GUCA1C: variants seen among roughly 807,000 people sequenced by gnomAD.
GUCA1C encodes the protein guanylyl cyclase-activating protein 3.
A neutral mutation model predicts 16.2 loss-of-function variants in GUCA1C; 15 were observed. The ratio of observed to expected loss-of-function variants is 0.93; its 90% CI spans 0.62 to 1.43. The LOEUF (loss-of-function observed/expected upper bound fraction) is 1.43. Ranked by LOEUF, GUCA1C falls within the 40% of genes most tolerant of loss-of-function variation. The pLI is 0.00. For synonymous variants in GUCA1C, 78 were observed against 85.4 expected (o/e 0.91, Z 0.48); for missense variants, 275 against 244.8 (o/e 1.12, Z -0.82).
intron 2 of GUCA1C, among the ~76,000 whole-genome samples, chr3:108,918,695 C>T (rs1244192781): frequency 1.3e-5 from 2 of 152,178 alleles, no homozygotes; most frequent in Admixed American, 1.3e-4. Context: ...TACTTCCTTG[C>T]AATCTCTTAA....
At chr3:108,954,978 C>T (rs139655908), upstream of GUCA1C, among the ~76,000 whole-genome samples, 456 of 152,078 alleles carry the variant, frequency 3.0e-3, no homozygotes, top group Middle Eastern at 0.01. Context: ...CCTCATGATC[C>T]GCCTCAGCCT....
chr3:108,939,688 A>G (rs1234012172), intron 1 of GUCA1C, among the ~76,000 whole-genome samples: 1 of 151,762 alleles, frequency 6.6e-6, no homozygotes, highest in Non-Finnish European at 1.5e-5. Context: ...CTGCTTCTGA[A>G]TTAGTAGTTT....
intron 1 of GUCA1C, among the ~76,000 whole-genome samples, chr3:108,922,275 T>C (rs1946577522): frequency 6.6e-6 from 1 of 152,194 alleles, no homozygotes; most frequent in Non-Finnish European, 1.5e-5. Context: ...TATTTTTGCA[T>C]TTGCAAATTG....
intron 1 of GUCA1C, among the ~76,000 whole-genome samples, chr3:108,925,642 G>A (rs1164646114): frequency 6.6e-6 from 1 of 152,142 alleles, no homozygotes; most frequent in Non-Finnish European, 1.5e-5. Flanking sequence ...AAGTCCATTT[G>A]TTCTAGGGTA....
At chr3:108,941,844 G>C (rs2715719) in intron 1 of GUCA1C, among the ~76,000 whole-genome samples, 18,522 of 152,158 alleles carry the variant, frequency 0.12, 1,204 homozygotes, top group Non-Finnish European at 0.15. Context: ...TTCTCAGCTA[G>C]GATGTAAGTG....
Position 108,938,587 on chromosome 3 carries a change from G to A in GUCA1C, c.204+14972C>T, listed in dbSNP as rs149262529. 3.6e-4 allele frequency among the ~76,000 whole-genome samples: 55 copies of A among 152,238 alleles called. 1 individual carries two copies. The South Asian group carries it at 7.7e-3, about 21-fold the overall frequency. On this transcript the variant is annotated intron_variant, in intron 1 of 3. Coordinates refer to ENST00000261047, the MANE Select transcript of GUCA1C (RefSeq NM_005459.4). ...TAAAAATCTGTAAGGGAAATGTTGC[G>A]TACAGGATTTATGACCTAGCCTATT...
chr3:108,929,117 A>G (rs1373609894), intron 1 of GUCA1C, among the ~76,000 whole-genome samples: 3 of 152,088 alleles, frequency 2.0e-5, no homozygotes, highest in Non-Finnish European at 4.4e-5. Context: ...CTTTTATCAG[A>G]GTTTTGTAGT....
intron 3 of GUCA1C, among the ~76,000 whole-genome samples, chr3:108,909,728 T>C (rs1233242277): frequency 3.3e-5 from 5 of 152,238 alleles, no homozygotes; most frequent in Non-Finnish European, 5.9e-5. Flanking sequence ...AAGATGGAAG[T>C]ATTCACTGCT....
At chr3:108,951,450 A>T (rs543069603) in intron 1 of GUCA1C, among the ~76,000 whole-genome samples, 14 of 152,250 alleles carry the variant, frequency 9.2e-5, no homozygotes, top group South Asian at 2.1e-4. Flanking sequence ...TTAAAAAATA[A>T]AGTCGAACTT....
At position 108,952,357 on chromosome 3, in the gene GUCA1C, C is replaced by A. The variant is rs571800507; in HGVS notation, c.204+1202G>T. Among the ~76,000 whole-genome samples, 6 of 152,282 alleles carry A rather than the reference C, an allele frequency of 3.9e-5. No homozygotes were observed. In the South Asian group the frequency reaches 1.0e-3, roughly 26 times the overall value. ...ACTGATTTGTCAGCTCCTTGAAGAT[C>A]GCCTTTTGCTTGCATTGACACTAAG... On this transcript the variant is annotated intron_variant, in intron 1 of 3. Transcript: ENST00000261047.
intron 1 of GUCA1C, among the ~76,000 whole-genome samples, chr3:108,937,228 C>T (rs2107305993): frequency 6.6e-6 from 1 of 152,294 alleles, no homozygotes; most frequent in Middle Eastern, 3.4e-3. Context: ...TCTCCACCCA[C>T]CTGCCATCCA....
chr3:108,922,811 A>C (rs975109185), intron 1 of GUCA1C, among the ~76,000 whole-genome samples: 4 of 152,002 alleles, frequency 2.6e-5, no homozygotes, highest in African/African-American at 9.7e-5. Flanking sequence ...TCCTAATGCT[A>C]TCCCTCCCCT....
intron 1 of GUCA1C, among the ~76,000 whole-genome samples, chr3:108,942,472 C>G (rs376576769): frequency 6.6e-6 from 1 of 152,154 alleles, no homozygotes; most frequent in African/African-American, 2.4e-5. Context: ...TTTTTCCTCA[C>G]CTAGGTTATA....
At chr3:108,916,315 G>A (rs528115690) in intron 2 of GUCA1C, 101 bp from the exon 3 acceptor site, 5 of 1,063,576 alleles carry the variant, frequency 4.7e-6, no homozygotes, top group East Asian at 4.8e-5. Flanking sequence ...ATGTGTTGTC[G>A]GTTGCTATCC....
intron 1 of GUCA1C, among the ~76,000 whole-genome samples, chr3:108,930,813 G>A (rs1946659586): frequency 6.6e-6 from 1 of 152,110 alleles, no homozygotes; most frequent in Non-Finnish European, 1.5e-5. Flanking sequence ...ACTGCTCACT[G>A]CCACTTCACT....
intron 2 of GUCA1C, among the ~76,000 whole-genome samples, chr3:108,917,569 A>G (rs1946530107): frequency 6.6e-6 from 1 of 151,616 alleles, no homozygotes; most frequent in Admixed American, 6.6e-5. Context: ...AGTACTCCCT[A>G]TGTGGGAGCA....
chr3:108,923,528 G>C (rs755345148), intron 1 of GUCA1C, among the ~76,000 whole-genome samples: 3 of 152,164 alleles, frequency 2.0e-5, no homozygotes, highest in Non-Finnish European at 2.9e-5. Context: ...TTTTATACCA[G>C]TGCCATGCTG....
chr3:108,939,109 T>G (rs1946758560), intron 1 of GUCA1C, among the ~76,000 whole-genome samples: 1 of 152,156 alleles, frequency 6.6e-6, no homozygotes, highest in Non-Finnish European at 1.5e-5. Flanking sequence ...TATAAGCATC[T>G]GTCTTCCTAA....
intron 1 of GUCA1C, among the ~76,000 whole-genome samples, chr3:108,930,218 T>A (rs945951505): frequency 6.6e-6 from 1 of 152,216 alleles, no homozygotes; most frequent in Non-Finnish European, 1.5e-5. Context: ...CAGGCTGTAG[T>A]CTTTCTGGAG....
Sources: gnomAD v4.1 joint callset for allele counts (sites outside exome capture counted in the v4.1 genomes callset) on GRCh38, gnomAD v4.1.1 for gene constraint, MANE v1.5 for transcripts, NCBI Gene and HGNC (gene_info 2026-07-23, HGNC 2026-07-21) for gene names.